Variants in KCNN3 observed in about 807,000 individuals in gnomAD.
KCNN3 encodes the protein potassium calcium-activated channel subfamily N member 3.
Under a neutral mutation model 62.9 loss-of-function variants are expected in KCNN3, and 16 were observed. The ratio of observed to expected loss-of-function variants is 0.25; its 90% CI spans 0.17 to 0.39. KCNN3 has a LOEUF of 0.39. Ranked by LOEUF, KCNN3 falls within the 10% of genes least tolerant of loss-of-function variation. KCNN3 has a pLI of 1.00. For synonymous variants in KCNN3, 370 were observed against 389.2 expected (o/e 0.95, Z 0.58); for missense variants, 599 against 949.4 (o/e 0.63, Z 4.85).
chr1:154,722,216 T>A (rs1234500646), intron 5 of KCNN3, among the ~76,000 whole-genome samples: 2 of 152,152 alleles, frequency 1.3e-5, no homozygotes, highest in Non-Finnish European at 2.9e-5. Context: ...TCGTTTTGCG[T>A]AGGTCTTTGA....
At chr1:154,787,278 G>T (rs2659917) in intron 2 of KCNN3, among the ~76,000 whole-genome samples, 12 of 152,180 alleles carry the variant, frequency 7.9e-5, no homozygotes, top group Admixed American at 7.9e-4. Context: ...CCCTCCCCAC[G>T]GTTGAGAAAG....
chr1:154,832,584 C>T (rs542797949), intron 1 of KCNN3, among the ~76,000 whole-genome samples: 4 of 152,178 alleles, frequency 2.6e-5, no homozygotes, highest in Non-Finnish European at 5.9e-5. Context: ...ATATTTCATC[C>T]AGATTGCAGG....
chr1:154,868,072 C>A (rs1415580578), intron 1 of KCNN3: 15 of 985,480 alleles, frequency 1.5e-5, no homozygotes, highest in African/African-American at 1.7e-5. Context: ...TCCATCCGGG[C>A]GCGCACTCAC....
intron 2 of KCNN3, among the ~76,000 whole-genome samples, chr1:154,794,531 C>T (rs1208125678): frequency 6.6e-6 from 1 of 152,224 alleles, no homozygotes; most frequent in African/African-American, 2.4e-5. Context: ...GGAGAAAAAA[C>T]TTGCATTATA....
chr1:154,752,313 A>G (rs972848408), intron 3 of KCNN3, among the ~76,000 whole-genome samples: 9 of 152,242 alleles, frequency 5.9e-5, no homozygotes, highest in African/African-American at 2.2e-4. Flanking sequence ...TGCCATTAGC[A>G]CCATCAGCTC....
intron 2 of KCNN3, among the ~76,000 whole-genome samples, chr1:154,796,919 A>G (rs1460113512): frequency 6.6e-6 from 1 of 152,218 alleles, no homozygotes; most frequent in Non-Finnish European, 1.5e-5. Flanking sequence ...CAAAACCAGA[A>G]ATGAAAAAGG....
At chr1:154,713,618 G>A in intron 6 of KCNN3, 85 bp from the exon 7 acceptor site, 5 of 1,140,798 alleles carry the variant, frequency 4.4e-6, no homozygotes, top group Non-Finnish European at 5.3e-6. Flanking sequence ...CCCTACCACT[G>A]CCTCTGATTT....
chr1:154,769,987 C>T (rs1648474726), intron 3 of KCNN3, among the ~76,000 whole-genome samples: 1 of 152,192 alleles, frequency 6.6e-6, no homozygotes, highest in South Asian at 2.1e-4. Flanking sequence ...AATTGAGGTC[C>T]AGAGAGGTGA....
intron 3 of KCNN3, among the ~76,000 whole-genome samples, chr1:154,745,517 C>G (rs1046416502): frequency 6.6e-6 from 1 of 152,194 alleles, no homozygotes; most frequent in African/African-American, 2.4e-5. Context: ...CAGGCCTCAG[C>G]GGGGAAGCTT....
chr1:154,742,705 C>T (rs1374322279), intron 3 of KCNN3, among the ~76,000 whole-genome samples: 7 of 152,200 alleles, frequency 4.6e-5, no homozygotes, highest in Non-Finnish European at 7.3e-5. Flanking sequence ...GCTGCTTCTT[C>T]GGGGAAGCAG....
At chr1:154,795,704 TG>T (rs1649707224) in intron 2 of KCNN3, among the ~76,000 whole-genome samples, 1 of 151,694 alleles carries the variant, frequency 6.6e-6, no homozygotes, top group African/African-American at 2.4e-5. Flanking sequence ...TGAAAGTTGG[TG>T]GGGGTGGGTC....
chr1:154,734,988 A>AC (rs11386364), intron 3 of KCNN3, among the ~76,000 whole-genome samples: 81,218 of 151,912 alleles, frequency 0.53, 22,451 homozygotes, highest in Admixed American at 0.64. Context: ...GTAGCAGGTG[A>AC]CCAGGGGGCT....
At chr1:154,854,519 C>T (rs1652438334) in intron 1 of KCNN3, among the ~76,000 whole-genome samples, 1 of 152,156 alleles carries the variant, frequency 6.6e-6, no homozygotes, top group South Asian at 2.1e-4. Context: ...GCACTTATCA[C>T]CATCGAACAT....
intron 1 of KCNN3, among the ~76,000 whole-genome samples, chr1:154,864,871 G>C (rs1327671018): frequency 2.0e-5 from 3 of 152,174 alleles, no homozygotes; most frequent in Non-Finnish European, 4.4e-5. Context: ...TCAAGGCCGG[G>C]CATGGGGAAG....
chr1:154,713,975 TG>T (rs1357067393), intron 6 of KCNN3, among the ~76,000 whole-genome samples: 1 of 900 alleles, frequency 1.1e-3, no homozygotes, highest in Non-Finnish European at 2.6e-3. Context: ...GTGTGATGTG[TG>T]GTGTGTGCGG....
chr1:154,834,145 C>G (rs1651486703), intron 1 of KCNN3, among the ~76,000 whole-genome samples: 1 of 152,228 alleles, frequency 6.6e-6, no homozygotes, highest in Non-Finnish European at 1.5e-5. Context: ...AATTCTTTCT[C>G]TCTCTCACTA....
chr1:154,857,646 TC>T (rs1242423462), intron 1 of KCNN3, among the ~76,000 whole-genome samples: 2 of 152,066 alleles, frequency 1.3e-5, no homozygotes, highest in Admixed American at 1.3e-4. Flanking sequence ...TCGGAGACAC[TC>T]CCCTGTGTGC....
intron 2 of KCNN3, among the ~76,000 whole-genome samples, chr1:154,774,528 C>T (rs570241737): frequency 1.3e-5 from 2 of 152,352 alleles, no homozygotes; most frequent in South Asian, 2.1e-4. Flanking sequence ...GCCTGAGATC[C>T]GGGCATATGT....
chr1:154,853,913 C>T (rs1037992004), intron 1 of KCNN3, among the ~76,000 whole-genome samples: 5 of 151,944 alleles, frequency 3.3e-5, no homozygotes, highest in African/African-American at 9.7e-5. Flanking sequence ...CACTGCACTC[C>T]AGTCTGGGTG....
Sources: allele counts gnomAD v4.1 joint callset (sites outside exome capture counted in the v4.1 genomes callset), GRCh38; gene constraint gnomAD v4.1.1; transcripts MANE v1.5; gene names NCBI Gene and HGNC (gene_info 2026-07-23, HGNC 2026-07-21).